CTNNA3: variants seen among roughly 807,000 people sequenced by gnomAD.
CTNNA3 encodes the protein catenin alpha-3.
Under a neutral mutation model 95.7 loss-of-function variants are expected in CTNNA3, and 76 were observed. The observed-to-expected ratio is 0.79, with a 90% confidence interval of 0.66 to 0.96. CTNNA3 has a LOEUF of 0.96. Among genes scored for constraint, CTNNA3 ranks in the 40% least tolerant of loss-of-function variants. The probability of loss-of-function intolerance (pLI) is 0.00; values close to 1 mark genes in which losing one functional copy is unlikely to be tolerated. For synonymous variants in CTNNA3, 431 were observed against 374.4 expected, an observed-to-expected ratio of 1.15 and a Z score of -1.74; for missense variants, 1,191 against 1,089.8, an observed-to-expected ratio of 1.09 and a Z score of -1.31.
chr10:67,584,561 T>A (rs1293741833), intron 3 of CTNNA3, among the ~76,000 whole-genome samples: 2 of 152,168 alleles, frequency 1.3e-5, no homozygotes, highest in African/African-American at 4.8e-5. Flanking sequence ...GATCTCAAAC[T>A]CTGTGCTGGG....
intron 7 of CTNNA3, among the ~76,000 whole-genome samples, chr10:66,844,466 C>T (rs1452044222): frequency 6.6e-6 from 1 of 152,118 alleles, no homozygotes; most frequent in East Asian, 1.9e-4. Flanking sequence ...CCCCAGAGTT[C>T]CTTGGACCTT....
intron 5 of CTNNA3, among the ~76,000 whole-genome samples, chr10:67,520,613 A>C (rs1589384611): frequency 1.3e-5 from 2 of 152,326 alleles, no homozygotes; most frequent in African/African-American, 4.8e-5. Flanking sequence ...TTAAAAAAAC[A>C]AAACTTAAAT....
chr10:67,557,663 A>T (rs538026001), intron 3 of CTNNA3, among the ~76,000 whole-genome samples: 7 of 152,312 alleles, frequency 4.6e-5, no homozygotes, highest in Admixed American at 6.5e-5. Flanking sequence ...CAAATAACAG[A>T]ATCTATTCTA....
intron 10 of CTNNA3, among the ~76,000 whole-genome samples, chr10:66,586,776 C>A (rs1843373418): frequency 6.6e-6 from 1 of 152,126 alleles, no homozygotes; most frequent in Non-Finnish European, 1.5e-5. Context: ...CTGAGCCCAG[C>A]ACTGCACTTG....
At chr10:67,678,657 A>T (rs543177229) in intron 1 of CTNNA3, among the ~76,000 whole-genome samples, 3 of 152,358 alleles carry the variant, frequency 2.0e-5, no homozygotes, top group Admixed American at 6.5e-5. Context: ...GAGAGAAAAT[A>T]TAAGAATGTC....
chr10:67,272,295 T>TA (rs1329354444), intron 5 of CTNNA3, among the ~76,000 whole-genome samples: 1 of 152,172 alleles, frequency 6.6e-6, no homozygotes, highest in Admixed American at 6.5e-5. Context: ...TTCATGCTTG[T>TA]AATCCTAGCA....
Position 66,453,726 on chromosome 10 carries a change from A to G in CTNNA3, c.1531+66891T>C, listed in dbSNP as rs375920982. 9.9e-5 allele frequency among the ~76,000 whole-genome samples: 15 copies of G among 152,254 alleles called. No homozygotes were observed. In the East Asian group the frequency reaches 1.2e-3, roughly 12 times the overall value. Reference sequence around the variant, plus strand: ...AACTGACATTGGAACCACAGACAATAGGATGCTAGATGTAATTATCAACTG... The same window carrying G: ...AACTGACATTGGAACCACAGACAATGGGATGCTAGATGTAATTATCAACTG... On this transcript the variant is annotated intron_variant, in intron 11 of 17. Transcript: ENST00000433211.
At chr10:66,549,139 G>A (rs10822844) in intron 10 of CTNNA3, among the ~76,000 whole-genome samples, 17,196 of 151,538 alleles carry the variant, frequency 0.11, 1,718 homozygotes, top group East Asian at 0.56. Flanking sequence ...CAGTACAGGC[G>A]CCCGCCACCA....
intron 10 of CTNNA3, among the ~76,000 whole-genome samples, chr10:66,617,347 A>C (rs546444908): frequency 6.6e-6 from 1 of 151,538 alleles, no homozygotes; most frequent in African/African-American, 2.4e-5. Context: ...GCAGCACATC[A>C]AAAAGCTTAT....
At chr10:67,444,442 G>A (rs1589296375) in intron 5 of CTNNA3, among the ~76,000 whole-genome samples, 1 of 151,754 alleles carries the variant, frequency 6.6e-6, no homozygotes, top group African/African-American at 2.4e-5. Flanking sequence ...CATCGAAAAA[G>A]AAGAAAAACT....
chr10:65,920,045 C>T lies in CTNNA3; in HGVS notation c.*285G>A, dbSNP rs1205431380. The T allele has an allele frequency of 1.8e-5, 7 of 389,508 alleles. No homozygotes were observed. Among genetic ancestry groups the T allele is most frequent in the African/African-American group, 6.1e-5 (3 of 48,810 alleles). 24.1% of individuals were successfully genotyped at this position (389,508 alleles called of 1,614,324 possible). On this transcript the variant is annotated 3_prime_UTR_variant, in exon 18 of 18. Coordinates refer to ENST00000433211, the MANE Select transcript of CTNNA3 (RefSeq NM_013266.4). ...GGCCTCTCCTGTGTTTATTTGGTAACGAATAGTAGATAATCTCTATGATGG... is the reference window on the plus strand; with the variant it reads ...GGCCTCTCCTGTGTTTATTTGGTAATGAATAGTAGATAATCTCTATGATGG...
intron 7 of CTNNA3, among the ~76,000 whole-genome samples, chr10:66,946,927 G>A (rs1281417242): frequency 3.9e-5 from 6 of 151,998 alleles, no homozygotes; most frequent in East Asian, 1.9e-4. Flanking sequence ...TTTTCTTGGC[G>A]CTGGTAAATC....
intron 6 of CTNNA3, among the ~76,000 whole-genome samples, chr10:67,202,626 T>C (rs965935768): frequency 6.6e-6 from 1 of 152,198 alleles, no homozygotes; most frequent in Middle Eastern, 3.2e-3. Flanking sequence ...TCTCATAGGC[T>C]ACTTCTCTTT....
At chr10:67,493,711 G>C (rs375895385) in intron 5 of CTNNA3, among the ~76,000 whole-genome samples, 2 of 152,086 alleles carry the variant, frequency 1.3e-5, no homozygotes, top group African/African-American at 4.8e-5. Flanking sequence ...AACAAAACTA[G>C]CTCCAGGAAA....
At chr10:66,026,397 C>T (rs2079337367) in intron 15 of CTNNA3, among the ~76,000 whole-genome samples, 2 of 152,008 alleles carry the variant, frequency 1.3e-5, no homozygotes, top group Admixed American at 6.6e-5. Flanking sequence ...CCCTTTCTTC[C>T]GGTTTAGTCT....
At chr10:67,445,235 T>C (rs746353793) in intron 5 of CTNNA3, among the ~76,000 whole-genome samples, 10 of 148,212 alleles carry the variant, frequency 6.7e-5, no homozygotes, top group Non-Finnish European at 1.4e-4. Context: ...AATTAAATCA[T>C]AACACCAAAG....
At chr10:66,013,734 G>T (rs1342229648) in intron 15 of CTNNA3, among the ~76,000 whole-genome samples, 5 of 152,080 alleles carry the variant, frequency 3.3e-5, no homozygotes, top group African/African-American at 1.2e-4. Context: ...CAAAAAATAC[G>T]ACCAAGTTTT....
chr10:66,041,836 T>C lies in CTNNA3; in HGVS notation c.2159+27472A>G, dbSNP rs140374750. The stretch of plus-strand genomic sequence containing the variant: ...ACTGGGATACCTAACTCCATTCTTA[T>C]ATCCCTGAAATCTGTCCTGTCTAAA... On this transcript the variant is annotated intron_variant, in intron 15 of 17. Coordinates refer to ENST00000433211, the MANE Select transcript of CTNNA3 (RefSeq NM_013266.4). Among the ~76,000 whole-genome samples the C allele has an allele frequency of 3.9e-3, 588 of 152,336 alleles. 2 individuals carry two copies. The highest frequency in any genetic ancestry group is 0.013 in the African/African-American group (559 of 41,582).
chr10:66,203,853 A>C (rs1283810829), intron 13 of CTNNA3, among the ~76,000 whole-genome samples: 1 of 152,112 alleles, frequency 6.6e-6, no homozygotes, highest in Non-Finnish European at 1.5e-5. Flanking sequence ...GTAGAGACCT[A>C]ATGATGAATG....
Sources: allele counts gnomAD v4.1 joint callset (sites outside exome capture counted in the v4.1 genomes callset), GRCh38; gene constraint gnomAD v4.1.1; transcripts MANE v1.5; gene names NCBI Gene and HGNC (gene_info 2026-07-23, HGNC 2026-07-21).